The following CSNK2A2 variants were observed in gnomAD, a reference collection of about 807,000 sequenced individuals.
CSNK2A2 encodes casein kinase II subunit alpha'.
In CSNK2A2, 8 loss-of-function variants were observed where a neutral mutation model predicts 54.0. The observed-to-expected ratio is 0.15, with a 90% confidence interval of 0.09 to 0.27. CSNK2A2 has a LOEUF of 0.27. Ranked by LOEUF, CSNK2A2 falls within the 10% of genes least tolerant of loss-of-function variation. CSNK2A2 has a pLI of 1.00. For missense variants in CSNK2A2, 242 were observed against 439.4 expected, an observed-to-expected ratio of 0.55 and a Z score of 4.02; for synonymous variants, 141 against 153.9, an observed-to-expected ratio of 0.92 and a Z score of 0.62.
intron 2 of CSNK2A2, among the ~76,000 whole-genome samples, chr16:58,194,633 C>T (rs919726451): frequency 6.6e-6 from 1 of 152,206 alleles, no homozygotes; most frequent in Non-Finnish European, 1.5e-5. Context: ...TCAGATCCTA[C>T]AATCCAGTGC....
chr16:58,196,654 A>G (rs1597129290), intron 2 of CSNK2A2, 79 bp downstream of exon 2: 1 of 860,188 alleles, frequency 1.2e-6, no homozygotes, highest in East Asian at 2.4e-5. Flanking sequence ...ATTGCCCATT[A>G]TAGAATGTGA....
At chr16:58,179,815 C>T (rs1470916062) in intron 4 of CSNK2A2, among the ~76,000 whole-genome samples, 1 of 152,098 alleles carries the variant, frequency 6.6e-6, no homozygotes, top group Non-Finnish European at 1.5e-5. Context: ...CGTGGTGGCC[C>T]ACACCTGTAA....
chr16:58,166,466 A>T, intron 9 of CSNK2A2, 118 bp downstream of exon 9: 1 of 614,242 alleles, frequency 1.6e-6, no homozygotes, highest in South Asian at 2.4e-5. Flanking sequence ...TGCATAGGAA[A>T]AAAGAGGGCT....
rs567785424 is a variant in CSNK2A2, at chr16:58,158,587, G to A, written c.*18-234C>T. On this transcript the variant is annotated intron_variant, in intron 11 of 11. Transcript: ENST00000262506. ...CTAGCACGGCCTTCTGTCACAGGACGGGTGCTCTGGGCACCACGTGTGTTG... is the reference window on the plus strand; with the variant it reads ...CTAGCACGGCCTTCTGTCACAGGACAGGTGCTCTGGGCACCACGTGTGTTG... Among the ~76,000 whole-genome samples the A allele has an allele frequency of 4.1e-4, 62 of 152,284 alleles. 2 individuals carry two copies. In the South Asian group the frequency reaches 0.011, roughly 27 times the overall value.
At position 58,196,738 on chromosome 16, in the gene CSNK2A2, G is replaced by C; in HGVS notation, c.211C>G (p.Leu71Val). 1 of 1,608,370 alleles carries C rather than the reference G, an allele frequency of 6.2e-7. No individual in the cohort carries two copies. The highest frequency in any genetic ancestry group is 8.5e-7 in the Non-Finnish European group (1 of 1,174,780). The change falls in exon 2 of 12, where the codon CTG becomes GTG. Residue 71 changes from leucine (L) to valine (V), a missense_variant. Around this residue, in one of 5 missense-constraint regions of CSNK2A2, gnomAD observed 69 missense variants for 97.0 expected, o/e 0.71. Coordinates refer to ENST00000262506, the MANE Select transcript of CSNK2A2 (RefSeq NM_001896.4). ...ACCACTCATAGGACACTCACCTTCA[G>C]GATTTTTACAACCACTCTCTCATTG... is the stretch of plus-strand genomic sequence containing the variant. Reference protein sequence around the residue: ...TNNERVVVKILKPVKKKKIKR... With the variant: ...TNNERVVVKIVKPVKKKKIKR...
Position 58,165,722 on chromosome 16 carries a change from T to C in CSNK2A2, c.828-14A>G. On this transcript the variant is annotated splice_polypyrimidine_tract_variant and intron_variant, in intron 9 of 11. Transcript: ENST00000262506. The stretch of plus-strand genomic sequence containing the variant: ...TTCCGTGAATGTCTGAGAAGAAAAA[T>C]GAAGCATTAGTAACCAGAGACTAAA... 6.2e-7 allele frequency: 1 copy of C among 1,605,528 alleles called. No homozygotes were observed. The highest frequency in any genetic ancestry group is 8.5e-7 in the Non-Finnish European group (1 of 1,177,310).
chr16:58,168,844 T>C, intron 5 of CSNK2A2, 151 bp from the exon 6 acceptor site: 1 of 615,008 alleles, frequency 1.6e-6, no homozygotes, highest in Non-Finnish European at 2.9e-6. Flanking sequence ...AAAGCGTGCT[T>C]CAGAAGGCAC....
At chr16:58,169,484 G>C (rs1046444481) in intron 5 of CSNK2A2, among the ~76,000 whole-genome samples, 13 of 152,024 alleles carry the variant, frequency 8.6e-5, no homozygotes, top group African/African-American at 3.1e-4. Context: ...GAGCTGAGAT[G>C]GTGCCACTGC....
chr16:58,167,070 G>T, intron 8 of CSNK2A2, 137 bp downstream of exon 8: 1 of 569,338 alleles, frequency 1.8e-6, no homozygotes, highest in Non-Finnish European at 3.0e-6. Flanking sequence ...AATTCTGTGC[G>T]ATCTTTATCT....
intron 3 of CSNK2A2, among the ~76,000 whole-genome samples, chr16:58,184,994 C>T (rs940332067): frequency 1.3e-5 from 2 of 152,146 alleles, no homozygotes; most frequent in Non-Finnish European, 2.9e-5. Context: ...ATTTTTAAAG[C>T]ACTATAATCT....
chr16:58,174,062 T>C (rs1699991324), intron 5 of CSNK2A2: 1 of 158,998 alleles, frequency 6.3e-6, no homozygotes, highest in African/African-American at 2.4e-5. Context: ...CCCAGTCAAA[T>C]CAACTGAGAC....
At chr16:58,165,347 G>A (rs947730603) in intron 10 of CSNK2A2, among the ~76,000 whole-genome samples, 3 of 152,170 alleles carry the variant, frequency 2.0e-5, no homozygotes, top group African/African-American at 4.8e-5. Context: ...CTTGAACTCC[G>A]GGGAGATACA....
intron 2 of CSNK2A2, among the ~76,000 whole-genome samples, chr16:58,194,921 CT>C (rs1227961770): frequency 7.1e-6 from 1 of 141,758 alleles, no homozygotes; most frequent in Non-Finnish European, 1.6e-5. Context: ...AATGCTGTTC[CT>C]TTAAAAAAAA....
At chr16:58,167,438 T>A in intron 7 of CSNK2A2, 130 bp from the exon 8 acceptor site, 1 of 630,408 alleles carries the variant, frequency 1.6e-6, no homozygotes. Flanking sequence ...TAAAAAAAAT[T>A]TTTTTTAACT....
intron 9 of CSNK2A2, among the ~76,000 whole-genome samples, chr16:58,165,963 T>C (rs574679759): frequency 1.1e-4 from 16 of 152,344 alleles, no homozygotes; most frequent in African/African-American, 3.6e-4. Flanking sequence ...TTCTAGATTA[T>C]TTTTTATGCT....
intron 5 of CSNK2A2, chr16:58,174,133 AAGTTTGGGATGATTTGTTACATTCAC>A: frequency 5.0e-6 from 1 of 199,594 alleles, no homozygotes; most frequent in Non-Finnish European, 1.0e-5. Context: ...AAAAGTCATT[AAGTTTGGGATGATTTGTTACATTCAC>A]AGTAGGTATT....
chr16:58,196,998 T>C, intron 1 of CSNK2A2, 154 bp from the exon 2 acceptor site: 1 of 655,174 alleles, frequency 1.5e-6, no homozygotes, highest in South Asian at 1.6e-5. Context: ...AGCCACGACA[T>C]AATCTTGGCT....
At chr16:58,186,940 G>T in intron 2 of CSNK2A2, 84 bp from the exon 3 acceptor site, 2 of 1,048,348 alleles carry the variant, frequency 1.9e-6, no homozygotes, top group East Asian at 2.4e-5. Flanking sequence ...CCAATCAGAT[G>T]GATAGTACGC....
intron 8 of CSNK2A2, 53 bp downstream of exon 8, chr16:58,167,154 A>AT (rs1221717612): frequency 1.6e-5 from 20 of 1,287,008 alleles, no homozygotes; most frequent in Middle Eastern, 1.9e-4. Context: ...TAAGGATGCT[A>AT]TTTTTTTGGC....
Sources: allele counts gnomAD v4.1 joint callset (sites outside exome capture counted in the v4.1 genomes callset), GRCh38; gene constraint gnomAD v4.1.1; regional missense constraint gnomAD v4.1.1; transcripts MANE v1.5; gene names NCBI Gene and HGNC (gene_info 2026-07-23, HGNC 2026-07-21).